The following SDK1 variants were observed in gnomAD, a reference collection of about 807,000 sequenced individuals.
The protein encoded by SDK1 is protein sidekick-1.
SDK1 carries 157 observed loss-of-function variants against 245.5 expected under a neutral mutation model. The observed-to-expected ratio is 0.64, with a 90% CI of 0.56 to 0.73. The LOEUF (loss-of-function observed/expected upper bound fraction) is 0.73. SDK1 is among the 30% of genes least tolerant of loss of function. SDK1 has a pLI of 0.00. For synonymous variants in SDK1, 1,647 were observed against 1,278.5 expected (o/e 1.29, Z -6.15); for missense variants, 3,583 against 3,002.3 (o/e 1.19, Z -4.52).
In SDK1 at chr7:4,074,856, T is replaced by TACTTTC. The variant is rs1486926440; in HGVS notation, c.3011-2142_3011-2141insACTTTC. Among the ~76,000 whole-genome samples the TACTTTC allele has an allele frequency of 6.5e-3, 471 of 72,136 alleles. 10 individuals are homozygous for TACTTTC. The highest frequency in any genetic ancestry group is 9.5e-3 in the Admixed American group (73 of 7,700). 47.3% of individuals were successfully genotyped at this position (72,136 alleles called of 152,430 possible). On this transcript the variant is annotated intron_variant, in intron 20 of 44. Coordinates refer to ENST00000404826, the MANE Select transcript of SDK1 (RefSeq NM_152744.4). ...CCAGCCTGGGCAACAGAGCAAGACTTTCTCTCTCTCTCTCTCTCTCTCTCT... is the reference window on the plus strand; with the variant it reads ...CCAGCCTGGGCAACAGAGCAAGACTTACTTTCTCTCTCTCTCTCTCTCTCTCTCTCT...
chr7:3,737,037 G>T (rs537152736), intron 4 of SDK1, among the ~76,000 whole-genome samples: 3 of 152,342 alleles, frequency 2.0e-5, no homozygotes, highest in African/African-American at 7.2e-5. Flanking sequence ...GTCTCTGTCT[G>T]ATTCCACTCA....
intron 1 of SDK1, among the ~76,000 whole-genome samples, chr7:3,590,899 C>T (rs1182029870): frequency 1.3e-5 from 2 of 151,664 alleles, no homozygotes; most frequent in African/African-American, 2.4e-5. Context: ...CCTCCTGCCT[C>T]AGCTTCCCAA....
chr7:3,620,321 A>G (rs930101169), intron 2 of SDK1, among the ~76,000 whole-genome samples: 3 of 151,230 alleles, frequency 2.0e-5, no homozygotes, highest in East Asian at 1.9e-4. Context: ...TTTTAATTTG[A>G]GACGGAGTTT....
chr7:4,116,233 G>A (rs912118468), intron 25 of SDK1, among the ~76,000 whole-genome samples: 1 of 152,156 alleles, frequency 6.6e-6, no homozygotes, highest in African/African-American at 2.4e-5. Context: ...AGCCCTGGGC[G>A]GTGCCACCCC....
intron 1 of SDK1, among the ~76,000 whole-genome samples, chr7:3,571,593 G>A (rs1780118371): frequency 6.6e-6 from 1 of 152,032 alleles, no homozygotes; most frequent in Non-Finnish European, 1.5e-5. Flanking sequence ...TGTGAGCCAC[G>A]ACATCTGGCC....
At chr7:3,828,652 TTTTTTTTTTTTTTG>T (rs1673583402) in intron 5 of SDK1, among the ~76,000 whole-genome samples, 2 of 20,472 alleles carry the variant, frequency 9.8e-5, no homozygotes, top group Non-Finnish European at 1.8e-4. Flanking sequence ...TTTTGTTCTT[TTTTTTTTTTTTTTG>T]TTTTTTTGAC....
intron 1 of SDK1, among the ~76,000 whole-genome samples, chr7:3,403,776 T>A (rs1778953059): frequency 7.1e-6 from 1 of 140,722 alleles, no homozygotes; most frequent in African/African-American, 2.6e-5. Flanking sequence ...GACTGGATAC[T>A]GGGGTACTCT....
chr7:4,105,516 A>G, intron 22 of SDK1, among the ~76,000 whole-genome samples: 1 of 151,044 alleles, frequency 6.6e-6, no homozygotes, highest in South Asian at 2.1e-4. Flanking sequence ...CATGTTGGCC[A>G]GGCTGGTCTT....
chr7:3,677,790 G>A (rs962340104), intron 4 of SDK1, among the ~76,000 whole-genome samples: 2 of 152,152 alleles, frequency 1.3e-5, no homozygotes, highest in Admixed American at 6.5e-5. Context: ...ATTAGTGGAG[G>A]GATAGACACA....
chr7:3,936,810 C>T (rs1780177856), intron 5 of SDK1, among the ~76,000 whole-genome samples: 1 of 152,134 alleles, frequency 6.6e-6, no homozygotes. Context: ...GCGCTGTGTC[C>T]TCTGGGCCCT....
chr7:3,651,130 G>GTTTT (rs35272140), intron 4 of SDK1, among the ~76,000 whole-genome samples: 2 of 142,158 alleles, frequency 1.4e-5, no homozygotes, highest in East Asian at 2.0e-4. Context: ...TTTAGTTTTA[G>GTTTT]TTTTTTTTTT....
At chr7:3,949,468 G>T (rs1181190636) in intron 5 of SDK1, among the ~76,000 whole-genome samples, 1 of 152,214 alleles carries the variant, frequency 6.6e-6, no homozygotes, top group Non-Finnish European at 1.5e-5. Flanking sequence ...CGCCAGCCGG[G>T]CAGGCTAGAA....
At chr7:3,347,606 T>C (rs1780543669) in intron 1 of SDK1, among the ~76,000 whole-genome samples, 1 of 152,196 alleles carries the variant, frequency 6.6e-6, no homozygotes, top group South Asian at 2.1e-4. Context: ...GCTAATCCAC[T>C]AGAACAATAT....
At chr7:4,222,936 T>C (rs2128232565) in intron 40 of SDK1, among the ~76,000 whole-genome samples, 1 of 152,146 alleles carries the variant, frequency 6.6e-6, no homozygotes, top group Non-Finnish European at 1.5e-5. Flanking sequence ...ATTGAGGCTT[T>C]GTGGAGGCCA....
intron 4 of SDK1, among the ~76,000 whole-genome samples, chr7:3,763,398 C>T (rs1035392814): frequency 6.6e-6 from 1 of 152,114 alleles, no homozygotes; most frequent in African/African-American, 2.4e-5. Flanking sequence ...AGTGAACATC[C>T]ATATACTCAC....
intron 17 of SDK1, among the ~76,000 whole-genome samples, chr7:4,035,438 C>G (rs1057259890): frequency 6.6e-6 from 1 of 152,080 alleles, no homozygotes; most frequent in African/African-American, 2.4e-5. Flanking sequence ...ATTTGTACAT[C>G]CTAGTGGGAT....
At chr7:4,025,633 C>T (rs1486442849) in intron 17 of SDK1, among the ~76,000 whole-genome samples, 1 of 152,196 alleles carries the variant, frequency 6.6e-6, no homozygotes, top group East Asian at 1.9e-4. Context: ...TCTGATTTGT[C>T]TTTTTCATAT....
intron 1 of SDK1, among the ~76,000 whole-genome samples, chr7:3,328,095 CTG>C (rs909512783): frequency 2.0e-5 from 3 of 151,808 alleles, no homozygotes; most frequent in African/African-American, 7.3e-5. Context: ...TATTCTTATT[CTG>C]TGTGTGTTTA....
intron 5 of SDK1, among the ~76,000 whole-genome samples, chr7:3,898,256 A>C (rs1781670639): frequency 6.6e-6 from 1 of 152,178 alleles, no homozygotes; most frequent in African/African-American, 2.4e-5. Context: ...AGTTGACCTG[A>C]AACCTGAGAG....
Sources: allele counts gnomAD v4.1 joint callset (sites outside exome capture counted in the v4.1 genomes callset), GRCh38; gene constraint gnomAD v4.1.1; transcripts MANE v1.5; gene names NCBI Gene and HGNC (gene_info 2026-07-23, HGNC 2026-07-21).